Variants in QSER1 observed in about 807,000 individuals in gnomAD.
The protein encoded by QSER1 is glutamine and serine rich 1, also known as glutamine and serine-rich protein 1.
A neutral mutation model predicts 158.5 loss-of-function variants in QSER1; 49 were observed. The observed-to-expected ratio is 0.31, with a 90% CI of 0.25 to 0.39. The LOEUF is 0.39. QSER1 is among the 10% of genes least tolerant of loss of function. The pLI, the probability that QSER1 is intolerant of heterozygous loss-of-function variation, is 1.00. For missense variants in QSER1, 1,754 were observed against 2,010.3 expected, an observed-to-expected ratio of 0.87 and a Z score of 2.44; for synonymous variants, 650 against 715.5, an observed-to-expected ratio of 0.91 and a Z score of 1.46.
intron 1 of QSER1, among the ~76,000 whole-genome samples, chr11:32,898,490 A>T (rs1252688233): frequency 3.2e-4 from 21 of 66,256 alleles, no homozygotes; most frequent in South Asian, 2.7e-3. Context: ...TGTCACACAC[A>T]CACACACACA....
At chr11:32,946,549 G>A (rs554268041) in intron 4 of QSER1, among the ~76,000 whole-genome samples, 49 of 152,304 alleles carry the variant, frequency 3.2e-4, no homozygotes, top group Non-Finnish European at 5.1e-4. Context: ...TAGGCTGCTC[G>A]GGGTTCAGTG....
Position 32,978,503 on chromosome 11 carries a change from T to G in QSER1, c.*2029T>G, listed in dbSNP as rs1415125410. 6.6e-6 allele frequency: 1 copy of G among 152,238 alleles called. No individual in the cohort carries two copies. Among genetic ancestry groups the G allele is most frequent in the Admixed American group, 6.5e-5 (1 of 15,284 alleles). 9.4% of individuals were successfully genotyped at this position (152,238 alleles called of 1,614,324 possible). On this transcript the variant is annotated 3_prime_UTR_variant, in exon 13 of 13. Coordinates refer to ENST00000650167, the MANE Select transcript of QSER1 (RefSeq NM_001076786.3). ...AATTTAAATATTTTTTAAAGCCACC[T>G]TAATTTAGGTAGCTCTTGGAATCGA...
At chr11:32,943,176 C>T (rs1172350665) in intron 4 of QSER1, among the ~76,000 whole-genome samples, 1 of 152,160 alleles carries the variant, frequency 6.6e-6, no homozygotes, top group Non-Finnish European at 1.5e-5. Flanking sequence ...ATGTAATCTG[C>T]AAACAGGGAC....
intron 4 of QSER1, among the ~76,000 whole-genome samples, chr11:32,942,741 TTAAAG>T (rs1852262473): frequency 6.6e-6 from 1 of 152,152 alleles, no homozygotes; most frequent in Non-Finnish European, 1.5e-5. Context: ...CATATGAACT[TTAAAG>T]TAGTTTTTTC....
intron 1 of QSER1, among the ~76,000 whole-genome samples, chr11:32,925,419 G>A (rs1267677812): frequency 6.6e-6 from 1 of 151,920 alleles, no homozygotes; most frequent in African/African-American, 2.4e-5. Flanking sequence ...CACCTAGAAT[G>A]GCTAAAATTA....
intron 4 of QSER1, among the ~76,000 whole-genome samples, chr11:32,948,821 G>T (rs1310560754): frequency 6.6e-6 from 1 of 151,844 alleles, no homozygotes. Flanking sequence ...ACCCAATTCT[G>T]GGGGCATCAT....
chr11:32,975,698 T>A (rs777328937), intron 12 of QSER1: 10 of 1,099,426 alleles, frequency 9.1e-6, no homozygotes, highest in African/African-American at 1.7e-5. Context: ...GACATCTCAC[T>A]GCCTTACTTA....
At chr11:32,910,674 A>G (rs1195828529) in intron 1 of QSER1, among the ~76,000 whole-genome samples, 1 of 152,240 alleles carries the variant, frequency 6.6e-6, no homozygotes, top group African/African-American at 2.4e-5. Context: ...TGAAATGGAT[A>G]CCTTAGAAAT....
Position 32,975,358 on chromosome 11 carries a change from T to C in QSER1, c.5454+15T>C, listed in dbSNP as rs764689289. 5 of 1,605,768 alleles carry C rather than the reference T, an allele frequency of 3.1e-6. No individual in the cohort carries two copies. In the Admixed American group the frequency reaches 6.7e-5, roughly 21 times the overall value. ...GTAAGGATGAGGTAATTTCTTCTCA[T>C]TTACTTAAAAAAAATGTTTTTCAGA... On this transcript the variant is annotated intron_variant, in intron 12 of 12. Coordinates refer to ENST00000650167, the MANE Select transcript of QSER1 (RefSeq NM_001076786.3).
intron 4 of QSER1, among the ~76,000 whole-genome samples, chr11:32,945,558 A>G (rs1398190296): frequency 1.3e-5 from 2 of 152,090 alleles, no homozygotes; most frequent in Non-Finnish European, 2.9e-5. Flanking sequence ...AATGTTGAAT[A>G]TTGGCCCCCA....
At chr11:32,898,678 C>T (rs1851588194) in intron 1 of QSER1, among the ~76,000 whole-genome samples, 1 of 152,124 alleles carries the variant, frequency 6.6e-6, no homozygotes, top group African/African-American at 2.4e-5. Context: ...CCTCGACCTC[C>T]TGGGCTCAGG....
Position 32,976,528 on chromosome 11 carries a change from G to T in QSER1, c.*54G>T. On this transcript the variant is annotated 3_prime_UTR_variant, in exon 13 of 13. Transcript: ENST00000650167. ...AGCACTAATGAAATGGCAGATATGG[G>T]GTGGTCAAAGATAATCAGATGTCAA... is the stretch of plus-strand genomic sequence containing the variant. The T allele has an allele frequency of 6.3e-7, 1 of 1,584,678 alleles. No homozygotes were observed. Among genetic ancestry groups the T allele is most frequent in the Non-Finnish European group, 8.6e-7 (1 of 1,162,228 alleles).
chr11:32,953,770 T>G (rs949951007), intron 4 of QSER1, 87 bp from the exon 5 acceptor site: 4 of 1,451,514 alleles, frequency 2.8e-6, no homozygotes, highest in Non-Finnish European at 3.7e-6. Flanking sequence ...TAATCAAGTC[T>G]TTCTTTTTAA....
At chr11:32,940,773 C>T (rs1852218711) in intron 4 of QSER1, among the ~76,000 whole-genome samples, 1 of 152,044 alleles carries the variant, frequency 6.6e-6, no homozygotes, top group Non-Finnish European at 1.5e-5. Flanking sequence ...TGTAGTTATA[C>T]CCTCTTTCTT....
At chr11:32,946,264 G>T (rs537657596) in intron 4 of QSER1, among the ~76,000 whole-genome samples, 24 of 152,360 alleles carry the variant, frequency 1.6e-4, no homozygotes, top group Non-Finnish European at 2.9e-4. Context: ...GTCCAGCTTT[G>T]TTCCCTTACT....
Position 32,892,851 on chromosome 11 carries a change from C to CCGCCGCCGCCGCCGCCGCCGCCGT in QSER1, c.-264_-263insCCGCCGCCGCCGTCGCCGCCGCCG, listed in dbSNP as rs1170442717. Among the ~76,000 whole-genome samples the CCGCCGCCGCCGCCGCCGCCGCCGT allele has an allele frequency of 7.2e-4, 107 of 149,230 alleles. No individual in the cohort carries two copies. Among genetic ancestry groups the CCGCCGCCGCCGCCGCCGCCGCCGT allele is most frequent in the Admixed American group, 4.2e-3 (63 of 15,038 alleles). On this transcript the variant is annotated 5_prime_UTR_variant, in exon 1 of 13. Transcript: ENST00000650167. Reference sequence around the variant, plus strand: ...CCAACATGGGGCGCAGCGGCCGCCGCCGCCGCCGCCGTCGCCGCGAGTCCC... The same window carrying CCGCCGCCGCCGCCGCCGCCGCCGT: ...CCAACATGGGGCGCAGCGGCCGCCGCCGCCGCCGCCGCCGCCGCCGCCGTCGCCGCCGCCGTCGCCGCGAGTCCC...
intron 4 of QSER1, among the ~76,000 whole-genome samples, chr11:32,953,509 A>G (rs1852458900): frequency 6.6e-6 from 1 of 152,066 alleles, no homozygotes. Flanking sequence ...ACACAACACT[A>G]TGCTCGGCTA....
intron 9 of QSER1, among the ~76,000 whole-genome samples, chr11:32,966,699 T>G (rs1852755766): frequency 6.6e-6 from 1 of 152,182 alleles, no homozygotes; most frequent in South Asian, 2.1e-4. Flanking sequence ...CTAATCATCC[T>G]CATAAATAGT....
Position 32,936,956 on chromosome 11 carries a change from G to C in QSER1, c.4177+1521G>C, listed in dbSNP as rs192471055. Among the ~76,000 whole-genome samples the C allele has an allele frequency of 2.0e-5, 3 of 152,294 alleles. No individual in the cohort carries two copies. The East Asian group carries it at 5.8e-4, about 29-fold the overall frequency. The stretch of plus-strand genomic sequence containing the variant: ...ATAGAAAGTCAGTCTCAGATTCAAA[G>C]ACATTACTACCATGGATGTGTCTAA... On this transcript the variant is annotated intron_variant, in intron 4 of 12. Coordinates refer to ENST00000650167, the MANE Select transcript of QSER1 (RefSeq NM_001076786.3).
Sources: gnomAD v4.1 joint callset for allele counts (sites outside exome capture counted in the v4.1 genomes callset) on GRCh38, gnomAD v4.1.1 for gene constraint, MANE v1.5 for transcripts, NCBI Gene and HGNC (gene_info 2026-07-23, HGNC 2026-07-21) for gene names.